The following SPON1 variants were observed in gnomAD, a reference collection of about 807,000 sequenced individuals.
The protein encoded by SPON1 is spondin 1, also known as spondin-1.
SPON1 carries 52 observed loss-of-function variants against 111.7 expected under a neutral mutation model. The ratio of observed to expected loss-of-function variants is 0.47; its 90% CI spans 0.37 to 0.59. The LOEUF (loss-of-function observed/expected upper bound fraction) is 0.59, where lower values mean the gene tolerates loss of function less well. SPON1 is among the 20% of genes least tolerant of loss of function. The pLI is 0.00. For synonymous variants in SPON1, 410 were observed against 395.8 expected (o/e 1.04, Z -0.43); for missense variants, 957 against 1,068.5 (o/e 0.90, Z 1.46).
chr11:14,041,699 G>A (rs559344103), intron 3 of SPON1, 45 bp downstream of exon 3: 1 of 1,595,652 alleles, frequency 6.3e-7, no homozygotes, highest in Non-Finnish European at 8.5e-7. Flanking sequence ...CAAAGACTTT[G>A]TGGTGTGATT....
At chr11:14,067,116 G>A (rs1848838624) in intron 3 of SPON1, among the ~76,000 whole-genome samples, 1 of 152,160 alleles carries the variant, frequency 6.6e-6, no homozygotes, top group Admixed American at 6.5e-5. Flanking sequence ...GATTGAGGCT[G>A]CAGTAAGCTG....
intron 5 of SPON1, among the ~76,000 whole-genome samples, chr11:14,101,726 A>G (rs1315345410): frequency 6.6e-6 from 1 of 152,240 alleles, no homozygotes; most frequent in African/African-American, 2.4e-5. Flanking sequence ...TAAAGAGAAG[A>G]AAAAGCAAGT....
At chr11:14,141,252 A>G (rs1234238833) in intron 6 of SPON1, among the ~76,000 whole-genome samples, 3 of 152,034 alleles carry the variant, frequency 2.0e-5, no homozygotes, top group Admixed American at 6.5e-5. Context: ...GTTTTGTTAT[A>G]TTTGTCCAGC....
intron 7 of SPON1, among the ~76,000 whole-genome samples, chr11:14,244,164 T>G (rs910135194): frequency 2.6e-5 from 4 of 152,278 alleles, no homozygotes; most frequent in Admixed American, 1.3e-4. Context: ...GTCACCTTTT[T>G]CCTTTGCTGT....
chr11:14,127,805 TCA>T (rs1453406386), intron 5 of SPON1, among the ~76,000 whole-genome samples: 1 of 152,208 alleles, frequency 6.6e-6, no homozygotes, highest in African/African-American at 2.4e-5. Context: ...TGTAATTGAC[TCA>T]CAGTTCCGCA....
rs572516162 is a variant in SPON1 at position 14,191,507 on chromosome 11, C to T, written c.826-51825C>T. Among the ~76,000 whole-genome samples, 22 of 152,254 alleles carry T rather than the reference C, an allele frequency of 1.4e-4. 1 individual carries two copies. The highest frequency in any genetic ancestry group is 1.2e-3 in the South Asian group (6 of 4,822). Reference sequence around the variant, plus strand: ...TTTTGTTCTTCATGAACGTTCAGGACCCGCACACTGTGAAACAATGAGTGA... The same window carrying T: ...TTTTGTTCTTCATGAACGTTCAGGATCCGCACACTGTGAAACAATGAGTGA... On this transcript the variant is annotated intron_variant, in intron 6 of 15. Transcript: ENST00000576479.
intron 3 of SPON1, among the ~76,000 whole-genome samples, chr11:14,041,914 G>C (rs1848634393): frequency 6.6e-6 from 1 of 151,998 alleles, no homozygotes; most frequent in Non-Finnish European, 1.5e-5. Context: ...TATTAGGGCT[G>C]GTTAAGAAAA....
intron 1 of SPON1, among the ~76,000 whole-genome samples, chr11:13,982,245 T>A (rs928698624): frequency 6.6e-6 from 1 of 152,188 alleles, no homozygotes; most frequent in Admixed American, 6.6e-5. Context: ...ATCCATGATT[T>A]CAGGCATCCA....
At chr11:13,995,346 G>A (rs930586111) in intron 2 of SPON1, among the ~76,000 whole-genome samples, 2 of 152,094 alleles carry the variant, frequency 1.3e-5, no homozygotes, top group African/African-American at 4.8e-5. Flanking sequence ...CCTGAGACTG[G>A]GTAGTTTATA....
chr11:14,050,210 T>C (rs1215147687), intron 3 of SPON1, among the ~76,000 whole-genome samples: 2 of 152,248 alleles, frequency 1.3e-5, no homozygotes, highest in African/African-American at 4.8e-5. Flanking sequence ...CTCTGTATAT[T>C]TCTAGCCACC....
chr11:14,032,489 C>T (rs1848566344), intron 2 of SPON1, among the ~76,000 whole-genome samples: 1 of 152,242 alleles, frequency 6.6e-6, no homozygotes, highest in Admixed American at 6.5e-5. Flanking sequence ...GAGGGGTGCA[C>T]GGCACACAAG....
chr11:14,021,789 T>C (rs1848483138), intron 2 of SPON1, among the ~76,000 whole-genome samples: 1 of 152,188 alleles, frequency 6.6e-6, no homozygotes, highest in Non-Finnish European at 1.5e-5. Flanking sequence ...ACGAAGTTGT[T>C]TTCAGAGGAT....
chr11:14,001,249 G>A (rs1316410115), intron 2 of SPON1, among the ~76,000 whole-genome samples: 1 of 152,114 alleles, frequency 6.6e-6, no homozygotes, highest in Non-Finnish European at 1.5e-5. Context: ...ACTGCTTGGA[G>A]AGTTAAACTC....
intron 5 of SPON1, among the ~76,000 whole-genome samples, chr11:14,120,200 T>C (rs564195442): frequency 6.6e-6 from 1 of 152,290 alleles, no homozygotes; most frequent in South Asian, 2.1e-4. Flanking sequence ...TATGTAAGCA[T>C]ATAGTAAAGT....
chr11:14,132,834 G>T (rs1554927662), intron 5 of SPON1, among the ~76,000 whole-genome samples: 1 of 152,182 alleles, frequency 6.6e-6, no homozygotes, highest in African/African-American at 2.4e-5. Flanking sequence ...ATGAAAGGAA[G>T]AAACTATAAT....
At chr11:13,996,724 T>C (rs868983269) in intron 2 of SPON1, among the ~76,000 whole-genome samples, 5 of 151,926 alleles carry the variant, frequency 3.3e-5, no homozygotes, top group East Asian at 3.9e-4. Flanking sequence ...TATATATATA[T>C]ACACACACAC....
intron 1 of SPON1, among the ~76,000 whole-genome samples, chr11:13,977,458 T>A (rs915063349): frequency 4.6e-5 from 7 of 152,240 alleles, no homozygotes; most frequent in Non-Finnish European, 1.0e-4. Flanking sequence ...CATATGTTTA[T>A]TGGCCATTGG....
At chr11:14,209,574 C>G (rs1848553194) in intron 6 of SPON1, among the ~76,000 whole-genome samples, 1 of 152,174 alleles carries the variant, frequency 6.6e-6, no homozygotes, top group South Asian at 2.1e-4. Flanking sequence ...AACCATGTCC[C>G]TGCAAAGGAC....
chr11:13,963,167 T>C (rs1554907702), intron 1 of SPON1, 25 bp downstream of exon 1: 2 of 1,461,656 alleles, frequency 1.4e-6, no homozygotes, highest in Non-Finnish European at 1.8e-6. Context: ...GGCGTGGCAT[T>C]AGGAGAGCGG....
Sources: allele counts gnomAD v4.1 joint callset (sites outside exome capture counted in the v4.1 genomes callset), GRCh38; gene constraint gnomAD v4.1.1; transcripts MANE v1.5; gene names NCBI Gene and HGNC (gene_info 2026-07-23, HGNC 2026-07-21).